DMD: variants seen among roughly 807,000 people sequenced by gnomAD.
DMD encodes dystrophin, also known as mutant dystrophin.
A neutral mutation model predicts 330.1 loss-of-function variants in DMD; 63 were observed. The ratio of observed to expected loss-of-function variants is 0.19; its 90% confidence interval spans 0.16 to 0.24. The LOEUF (loss-of-function observed/expected upper bound fraction) is 0.24. Ranked by LOEUF, DMD falls within the 10% of genes least tolerant of loss-of-function variation. DMD has a pLI of 1.00. For synonymous variants in DMD, 1,223 were observed against 959.8 expected, an observed-to-expected ratio of 1.27 and a Z score of -5.07; for missense variants, 3,344 against 2,684.1, an observed-to-expected ratio of 1.25 and a Z score of -5.43.
intron 44 of DMD, among the ~76,000 whole-genome samples, chrX:32,164,784 G>A (rs745897174): frequency 2.1e-5 from 2 of 94,157 alleles, no homozygotes; most frequent in South Asian, 4.6e-4. Flanking sequence ...AAATGGTTTC[G>A]TGGACCAGGT....
At chrX:32,032,842 G>C (rs1379546799) in intron 44 of DMD, among the ~76,000 whole-genome samples, 1 of 111,695 alleles carries the variant, frequency 9.0e-6, no homozygotes, top group Non-Finnish European at 1.9e-5. Context: ...CTTTGCATGA[G>C]GTGAGTGGGA....
chrX:31,726,673 T>G (rs1422124617), intron 52 of DMD, among the ~76,000 whole-genome samples: 1 of 112,072 alleles, frequency 8.9e-6, no homozygotes, highest in Non-Finnish European at 1.9e-5. Context: ...TAAACTGAAG[T>G]GTAGCAGGGC....
At position 31,378,163 on chromosome X, in the gene DMD, C is replaced by T. The variant is rs182703951; in HGVS notation, c.9085-29529G>A. Among the ~76,000 whole-genome samples, 696 of 111,498 alleles carry T rather than the reference C, an allele frequency of 6.2e-3. 4 individuals carry two copies. The highest frequency in any genetic ancestry group is 8.2e-3 in the Non-Finnish European group (435 of 53,095). On this transcript the variant is annotated intron_variant, in intron 60 of 78. Coordinates refer to ENST00000357033, the MANE Select transcript of DMD (RefSeq NM_004006.3). ...CTGTTTGGTGGTCTCTTCACACGGA[C>T]GCGCATGAAATTTGGTGCCATCACT...
chrX:31,215,986 C>G (rs1402366706), intron 64 of DMD, among the ~76,000 whole-genome samples: 1 of 112,336 alleles, frequency 8.9e-6, no homozygotes, highest in Non-Finnish European at 1.9e-5. Context: ...ATTTTTGTGT[C>G]TCATGTGTAT....
chrX:32,472,037 AT>A, intron 22 of DMD, 126 bp downstream of exon 22: 3 of 844,871 alleles, frequency 3.6e-6, no homozygotes, highest in Non-Finnish European at 1.7e-6. Context: ...TCTCATTTTC[AT>A]TTGCTCAATG....
chrX:33,187,623 G>A (rs1360125015), intron 1 of DMD, among the ~76,000 whole-genome samples: 1 of 111,902 alleles, frequency 8.9e-6, no homozygotes, highest in Non-Finnish European at 1.9e-5. Context: ...GCAATGTGTG[G>A]TATATGAGTG....
intron 12 of DMD, among the ~76,000 whole-genome samples, chrX:32,597,141 T>G (rs932405315): frequency 1.8e-5 from 2 of 111,870 alleles, no homozygotes; most frequent in East Asian, 5.7e-4. Flanking sequence ...AAATCATTTC[T>G]TTATCATTCA....
chrX:32,585,649 G>A (rs1444448612), intron 13 of DMD, among the ~76,000 whole-genome samples: 2 of 89,008 alleles, frequency 2.2e-5, no homozygotes, highest in South Asian at 6.7e-4. Flanking sequence ...ACAGTGAGCC[G>A]AGATCGCGCC....
intron 1 of DMD, among the ~76,000 whole-genome samples, chrX:33,296,597 A>C (rs2053587734): frequency 9.0e-6 from 1 of 110,965 alleles, no homozygotes; most frequent in Non-Finnish European, 1.9e-5. Context: ...AAAAAAGAAA[A>C]ATTCTAGTTT....
chrX:32,863,323 C>T (rs534828493), intron 2 of DMD, among the ~76,000 whole-genome samples: 5 of 108,755 alleles, frequency 4.6e-5, no homozygotes, highest in African/African-American at 1.7e-4. Flanking sequence ...TTGAGACCAG[C>T]CTGGCCAACG....
intron 47 of DMD, among the ~76,000 whole-genome samples, chrX:31,928,106 C>T (rs7060357): frequency 0.18 from 20,279 of 111,168 alleles, 1,607 homozygotes; most frequent in African/African-American, 0.32. Flanking sequence ...CTGACACATG[C>T]TACAACATAG....
chrX:31,312,246 A>T (rs1194399508), intron 62 of DMD, among the ~76,000 whole-genome samples: 1 of 112,667 alleles, frequency 8.9e-6, no homozygotes, highest in Admixed American at 9.4e-5. Flanking sequence ...CAAGGAACTT[A>T]AACATATTCA....
chrX:32,987,572 C>G (rs905172904), intron 2 of DMD, among the ~76,000 whole-genome samples: 2 of 111,094 alleles, frequency 1.8e-5, no homozygotes, highest in African/African-American at 3.3e-5. Context: ...CATGTTAACC[C>G]ACAACAATAG....
intron 44 of DMD, among the ~76,000 whole-genome samples, chrX:32,069,224 C>A (rs968969198): frequency 9.0e-6 from 1 of 111,287 alleles, no homozygotes; most frequent in African/African-American, 3.3e-5. Flanking sequence ...CTGATTTGAT[C>A]ATTACACATT....
intron 32 of DMD, among the ~76,000 whole-genome samples, chrX:32,387,123 A>T (rs996757927): frequency 1.3e-4 from 15 of 111,188 alleles, no homozygotes; most frequent in African/African-American, 4.5e-4. Flanking sequence ...TATTATTGAC[A>T]ATTCACATGT....
chrX:31,502,048 C>T (rs6653852), intron 56 of DMD, among the ~76,000 whole-genome samples: 4,598 of 110,778 alleles, frequency 0.042, 92 homozygotes, highest in Middle Eastern at 0.085. Flanking sequence ...ACAAATGGTG[C>T]GGAAAAACTG....
At chrX:32,431,038 T>G (rs2098236120) in intron 29 of DMD, among the ~76,000 whole-genome samples, 1 of 112,142 alleles carries the variant, frequency 8.9e-6, no homozygotes, top group South Asian at 3.6e-4. Context: ...GCAGATAATC[T>G]CCTTGTGATT....
intron 1 of DMD, among the ~76,000 whole-genome samples, chrX:33,029,615 T>A (rs1474372221): frequency 8.9e-6 from 1 of 112,447 alleles, no homozygotes; most frequent in Non-Finnish European, 1.9e-5. Context: ...ACAGAATTTA[T>A]GCTCCATTAG....
At chrX:31,880,775 G>A (rs952207705) in intron 47 of DMD, among the ~76,000 whole-genome samples, 1 of 112,285 alleles carries the variant, frequency 8.9e-6, no homozygotes, top group Non-Finnish European at 1.9e-5. Context: ...GGTGATGCTG[G>A]TGTAAGCAAA....
Sources: allele counts gnomAD v4.1 joint callset (sites outside exome capture counted in the v4.1 genomes callset), GRCh38; gene constraint gnomAD v4.1.1; transcripts MANE v1.5; gene names NCBI Gene and HGNC (gene_info 2026-07-23, HGNC 2026-07-21).